BICRAL: variants seen among roughly 807,000 people sequenced by gnomAD.
BICRAL encodes the protein BICRA like chromatin remodeling complex associated protein, also known as BRD4-interacting chromatin-remodeling complex-associated protein-like.
A neutral mutation model predicts 91.8 loss-of-function variants in BICRAL; 8 were observed. The ratio of observed to expected loss-of-function variants is 0.09; its 90% CI spans 0.05 to 0.16. The LOEUF is 0.16. BICRAL is among the 10% of genes least tolerant of loss of function. The probability of loss-of-function intolerance (pLI) is 1.00; values close to 1 mark genes in which losing one functional copy is unlikely to be tolerated. For missense variants in BICRAL, 1,038 were observed against 1,310.9 expected, an observed-to-expected ratio of 0.79 and a Z score of 3.21; for synonymous variants, 445 against 491.1, an observed-to-expected ratio of 0.91 and a Z score of 1.24.
intron 9 of BICRAL, 131 bp downstream of exon 9, chr6:42,856,048 A>G: frequency 1.3e-6 from 1 of 773,838 alleles, no homozygotes; most frequent in South Asian, 1.5e-5. Flanking sequence ...ACTTTGAGGC[A>G]AGGCATGGTG....
chr6:42,824,628 A>G (rs1328198404), intron 5 of BICRAL, among the ~76,000 whole-genome samples: 1 of 152,260 alleles, frequency 6.6e-6, no homozygotes, highest in Non-Finnish European at 1.5e-5. Flanking sequence ...TGGCCTCAAC[A>G]TTCTTTCTAA....
intron 1 of BICRAL, among the ~76,000 whole-genome samples, chr6:42,793,050 G>A (rs1379743219): frequency 1.4e-5 from 2 of 143,338 alleles, no homozygotes; most frequent in African/African-American, 5.1e-5. Flanking sequence ...CACCTCCCGG[G>A]TTTAAGTGAT....
chr6:42,763,425 G>T (rs1196452062), intron 1 of BICRAL, among the ~76,000 whole-genome samples: 1 of 152,164 alleles, frequency 6.6e-6, no homozygotes, highest in East Asian at 1.9e-4. Context: ...AGTTAAATAA[G>T]AAGCAAAAAA....
chr6:42,782,127 A>C (rs1762929099), intron 1 of BICRAL, 26 bp downstream of exon 1: 1 of 150,170 alleles, frequency 6.7e-6, no homozygotes, highest in Admixed American at 6.6e-5. Context: ...AGTGTATTAT[A>C]ATTTTGTGAT....
chr6:42,830,518 A>G (rs1298605518), intron 6 of BICRAL, among the ~76,000 whole-genome samples: 1 of 151,846 alleles, frequency 6.6e-6, no homozygotes, highest in Non-Finnish European at 1.5e-5. Flanking sequence ...GTGAGCCATG[A>G]TTGTACCACT....
At position 42,865,785 on chromosome 6, in the gene BICRAL, C is replaced by A. The variant is rs1765695761; in HGVS notation, c.*339C>A. On this transcript the variant is annotated 3_prime_UTR_variant, in exon 13 of 13. Coordinates refer to ENST00000314073, the MANE Select transcript of BICRAL (RefSeq NM_001393499.1). Reference sequence around the variant, plus strand: ...TGTAACTCAATGAGACCACAGTATACTTGGCCCTTGGTAAAATTTTGACAA... The same window carrying A: ...TGTAACTCAATGAGACCACAGTATAATTGGCCCTTGGTAAAATTTTGACAA... 5.0e-6 allele frequency: 1 copy of A among 198,202 alleles called. No individual in the cohort carries two copies. The highest frequency in any genetic ancestry group is 5.5e-5 in the Admixed American group (1 of 18,126). 12.3% of individuals were successfully genotyped at this position (198,202 alleles called of 1,614,324 possible).
At chr6:42,750,336 T>A (rs1582795363) in intron 1 of BICRAL, among the ~76,000 whole-genome samples, 1 of 149,238 alleles carries the variant, frequency 6.7e-6, no homozygotes, top group Middle Eastern at 3.5e-3. Flanking sequence ...AAATTTGGTA[T>A]TTTTTTTTGC....
rs75875509 is a variant in BICRAL, at chr6:42,835,549, TA to T, written c.1839+5391del. Among the ~76,000 whole-genome samples the T allele has an allele frequency of 0.01, 1,495 of 144,870 alleles. 58 individuals carry two copies. In the East Asian group the frequency reaches 0.13, roughly 13 times the overall value. On this transcript the variant is annotated intron_variant, in intron 6 of 12. Coordinates refer to ENST00000314073, the MANE Select transcript of BICRAL (RefSeq NM_001393499.1). Reference sequence around the variant, plus strand: ...GGCTAATCCATGTTTTAAACCATTGTAAAAAAAAAAAAAACTATTAATTAGA... The same window carrying T: ...GGCTAATCCATGTTTTAAACCATTGTAAAAAAAAAAAAACTATTAATTAGA...
chr6:42,757,515 G>A (rs1762481043), intron 1 of BICRAL, among the ~76,000 whole-genome samples: 1 of 152,012 alleles, frequency 6.6e-6, no homozygotes, highest in African/African-American at 2.4e-5. Context: ...GCCTCCCATA[G>A]TGCTGGGATT....
chr6:42,746,767 C>T (rs914522452), upstream of BICRAL, among the ~76,000 whole-genome samples: 5 of 152,110 alleles, frequency 3.3e-5, no homozygotes, highest in African/African-American at 4.8e-5. Context: ...GCTCCTGGAT[C>T]CCCGCAGGCA....
At chr6:42,800,716 T>G (rs1277115016) in intron 1 of BICRAL, among the ~76,000 whole-genome samples, 1 of 152,078 alleles carries the variant, frequency 6.6e-6, no homozygotes, top group Non-Finnish European at 1.5e-5. Flanking sequence ...CATCCGGCTA[T>G]GTCCACACAT....
At chr6:42,830,392 C>T (rs937962405) in intron 6 of BICRAL, among the ~76,000 whole-genome samples, 3 of 151,800 alleles carry the variant, frequency 2.0e-5, no homozygotes, top group Admixed American at 6.6e-5. Context: ...ATAGTGAGAC[C>T]CTGACTCTAC....
intron 1 of BICRAL, among the ~76,000 whole-genome samples, chr6:42,798,286 AG>A (rs1452515175): frequency 2.0e-5 from 3 of 152,156 alleles, no homozygotes; most frequent in African/African-American, 4.8e-5. Context: ...AATCCCCACC[AG>A]TATGCAATAT....
intron 1 of BICRAL, among the ~76,000 whole-genome samples, chr6:42,790,348 T>C (rs1763234210): frequency 2.0e-5 from 3 of 146,436 alleles, no homozygotes; most frequent in Non-Finnish European, 4.5e-5. Context: ...TTTTTTTTTT[T>C]TTTTTTTGTA....
chr6:42,786,084 G>A (rs558350363), intron 1 of BICRAL, among the ~76,000 whole-genome samples: 1 of 152,284 alleles, frequency 6.6e-6, no homozygotes, highest in Admixed American at 6.5e-5. Flanking sequence ...ATGAATAGAT[G>A]ACCTTACTAA....
chr6:42,771,236 G>A (rs1191202979), intron 1 of BICRAL, among the ~76,000 whole-genome samples: 1 of 152,222 alleles, frequency 6.6e-6, no homozygotes, highest in Non-Finnish European at 1.5e-5. Context: ...TGTCGTTGGC[G>A]CCACGTGCTG....
intron 5 of BICRAL, among the ~76,000 whole-genome samples, chr6:42,824,937 G>A (rs922050803): frequency 6.6e-6 from 1 of 152,132 alleles, no homozygotes; most frequent in Non-Finnish European, 1.5e-5. Context: ...AACCAGCATA[G>A]TGAGACCCCA....
At chr6:42,809,317 C>T (rs1310052891) in intron 1 of BICRAL, among the ~76,000 whole-genome samples, 1 of 151,992 alleles carries the variant, frequency 6.6e-6, no homozygotes, top group Non-Finnish European at 1.5e-5. Flanking sequence ...CCACCTCATT[C>T]CTACCTCAAG....
intron 7 of BICRAL, among the ~76,000 whole-genome samples, chr6:42,852,956 C>A (rs773777481): frequency 1.3e-5 from 2 of 150,224 alleles, no homozygotes; most frequent in Non-Finnish European, 3.0e-5. Flanking sequence ...TCCTAGCTAC[C>A]CAGGAGGCTG....
Sources: allele counts gnomAD v4.1 joint callset (sites outside exome capture counted in the v4.1 genomes callset), GRCh38; gene constraint gnomAD v4.1.1; transcripts MANE v1.5; gene names NCBI Gene and HGNC (gene_info 2026-07-23, HGNC 2026-07-21).